The following GALNTL6 variants were observed in gnomAD, a reference collection of about 807,000 sequenced individuals.
GALNTL6 encodes polypeptide N-acetylgalactosaminyltransferase-like 6.
Under a neutral mutation model 73.7 loss-of-function variants are expected in GALNTL6, and 46 were observed. That is an observed-to-expected ratio of 0.62 (90% CI 0.49 to 0.80). The LOEUF (loss-of-function observed/expected upper bound fraction) is 0.80. GALNTL6 is among the 30% of genes least tolerant of loss of function. The probability of loss-of-function intolerance (pLI) is 0.00; values close to 1 mark genes in which losing one functional copy is unlikely to be tolerated. For synonymous variants in GALNTL6, 259 were observed against 263.7 expected (o/e 0.98, Z 0.17); for missense variants, 604 against 755.0 (o/e 0.80, Z 2.34).
chr4:172,560,912 A>G lies in GALNTL6; in HGVS notation c.553+212223A>G, dbSNP rs539414026. Among the ~76,000 whole-genome samples the G allele has an allele frequency of 1.9e-3, 289 of 152,314 alleles. 4 individuals are homozygous for G. The South Asian group carries it at 0.022, about 12-fold the overall frequency. On this transcript the variant is annotated intron_variant, in intron 5 of 12. Coordinates refer to ENST00000506823, the MANE Select transcript of GALNTL6 (RefSeq NM_001034845.3). ...TTTAATCTTTTGTGACATAGATACTATTATTAACATAATTTCACAGATAAG... is the reference window on the plus strand; with the variant it reads ...TTTAATCTTTTGTGACATAGATACTGTTATTAACATAATTTCACAGATAAG...
At chr4:172,767,260 A>G (rs897866261) in intron 5 of GALNTL6, among the ~76,000 whole-genome samples, 2 of 152,226 alleles carry the variant, frequency 1.3e-5, no homozygotes, top group East Asian at 1.9e-4. Context: ...AAAACTCAAT[A>G]TAACCTGATA....
chr4:172,533,464 A>G lies in GALNTL6; in HGVS notation c.553+184775A>G, dbSNP rs569110755. Reference sequence around the variant, plus strand: ...CTCAGCCTCCTGAGTAGCTGGGACTACAGGTGAACGCCACCACGCCTGGCT... The same window carrying G: ...CTCAGCCTCCTGAGTAGCTGGGACTGCAGGTGAACGCCACCACGCCTGGCT... On this transcript the variant is annotated intron_variant, in intron 5 of 12. Transcript: ENST00000506823. Among the ~76,000 whole-genome samples the G allele has an allele frequency of 7.3e-5, 11 of 151,364 alleles. No individual in the cohort carries two copies. The East Asian group carries it at 2.1e-3, about 30-fold the overall frequency.
At chr4:171,895,635 A>G (rs374295396) in intron 2 of GALNTL6, among the ~76,000 whole-genome samples, 9 of 152,314 alleles carry the variant, frequency 5.9e-5, no homozygotes, top group African/African-American at 2.2e-4. Flanking sequence ...CATGACGTCT[A>G]TGATAAAATG....
chr4:172,882,954 A>G (rs373600593), intron 8 of GALNTL6, 47 bp downstream of exon 8: 26 of 991,190 alleles, frequency 2.6e-5, no homozygotes, highest in Non-Finnish European at 4.1e-5. Flanking sequence ...AATTTTGACA[A>G]TTCTGATAGA....
intron 2 of GALNTL6, among the ~76,000 whole-genome samples, chr4:172,094,860 A>G (rs1018754858): frequency 1.8e-4 from 27 of 152,044 alleles, no homozygotes; most frequent in Non-Finnish European, 3.2e-4. Flanking sequence ...TATAGATATT[A>G]TTAATTCTGC....
At chr4:172,044,039 G>A (rs1742155281) in intron 2 of GALNTL6, among the ~76,000 whole-genome samples, 1 of 151,914 alleles carries the variant, frequency 6.6e-6, no homozygotes, top group South Asian at 2.1e-4. Flanking sequence ...GATGAAAGTT[G>A]AGCTTCCCAC....
At chr4:172,093,364 T>A (rs1732260520) in intron 2 of GALNTL6, among the ~76,000 whole-genome samples, 1 of 152,224 alleles carries the variant, frequency 6.6e-6, no homozygotes, top group African/African-American at 2.4e-5. Flanking sequence ...AACTTTTAGA[T>A]ACTCTTTAAC....
At chr4:172,474,958 G>A (rs1733181099) in intron 5 of GALNTL6, among the ~76,000 whole-genome samples, 1 of 152,140 alleles carries the variant, frequency 6.6e-6, no homozygotes, top group South Asian at 2.1e-4. Context: ...TGAAAAAATG[G>A]TGCTAAAAGT....
chr4:172,684,990 C>A (rs1252826953), intron 5 of GALNTL6, among the ~76,000 whole-genome samples: 1 of 152,072 alleles, frequency 6.6e-6, no homozygotes, highest in Non-Finnish European at 1.5e-5. Context: ...ACTCATGACA[C>A]TTTTTAGTAT....
intron 5 of GALNTL6, among the ~76,000 whole-genome samples, chr4:172,556,476 C>T (rs1736145789): frequency 6.6e-6 from 1 of 152,016 alleles, no homozygotes; most frequent in African/African-American, 2.4e-5. Flanking sequence ...AGTTAAATAT[C>T]AATTTTGAGT....
At chr4:172,247,022 C>G (rs1222491802) in intron 3 of GALNTL6, among the ~76,000 whole-genome samples, 1 of 151,986 alleles carries the variant, frequency 6.6e-6, no homozygotes, top group Admixed American at 6.6e-5. Flanking sequence ...TTCCCTGTGC[C>G]TCACCCATCT....
rs368533786 is a variant in GALNTL6 at position 172,646,726 on chromosome 4, T to G, written c.554-162635T>G. ...TATCAGAACAACTATTCTTTTGGAA[T>G]AGAAAGAAATTCTTAAAATCGTTCT... On this transcript the variant is annotated intron_variant, in intron 5 of 12. Transcript: ENST00000506823. Among the ~76,000 whole-genome samples the G allele has an allele frequency of 8.5e-5, 13 of 152,164 alleles. No homozygotes were observed. In the South Asian group the frequency reaches 2.3e-3, roughly 27 times the overall value.
At chr4:172,014,462 T>C (rs1381470556) in intron 2 of GALNTL6, among the ~76,000 whole-genome samples, 1 of 152,076 alleles carries the variant, frequency 6.6e-6, no homozygotes, top group East Asian at 1.9e-4. Flanking sequence ...TTGCATTTCT[T>C]TGATTATCAA....
intron 5 of GALNTL6, among the ~76,000 whole-genome samples, chr4:172,723,457 AG>A (rs760994772): frequency 1.3e-5 from 2 of 152,308 alleles, no homozygotes; most frequent in East Asian, 1.9e-4. Context: ...ATGGGATCTA[AG>A]ATCTTGTGGA....
intron 8 of GALNTL6, among the ~76,000 whole-genome samples, chr4:172,915,512 AAGAAGAAAAGAG>A (rs1237608321): frequency 1.3e-5 from 2 of 152,242 alleles, no homozygotes; most frequent in East Asian, 1.9e-4. Flanking sequence ...AAGACTAATA[AAGAAGAAAAGAG>A]AGAAGAATCA....
At chr4:172,542,652 G>A (rs1306804512) in intron 5 of GALNTL6, among the ~76,000 whole-genome samples, 1 of 152,108 alleles carries the variant, frequency 6.6e-6, no homozygotes, top group East Asian at 1.9e-4. Context: ...AGACCTCCCT[G>A]CCTATCATGG....
chr4:172,571,366 C>G (rs531678262), intron 5 of GALNTL6, among the ~76,000 whole-genome samples: 21 of 152,150 alleles, frequency 1.4e-4, no homozygotes, highest in Non-Finnish European at 2.9e-4. Context: ...ATAGAAACAT[C>G]TCATAGGAAG....
intron 10 of GALNTL6, among the ~76,000 whole-genome samples, chr4:173,000,574 C>T (rs773015665): frequency 3.9e-5 from 6 of 152,082 alleles, no homozygotes; most frequent in Admixed American, 2.0e-4. Context: ...TATATGGAAT[C>T]TCAAAGGAAC....
At chr4:172,942,643 A>G (rs539739868) in intron 9 of GALNTL6, among the ~76,000 whole-genome samples, 1 of 152,272 alleles carries the variant, frequency 6.6e-6, no homozygotes, top group South Asian at 2.1e-4. Context: ...TGTCAGAAGC[A>G]TACCCATGCT....
Sources: gnomAD v4.1 joint callset for allele counts (sites outside exome capture counted in the v4.1 genomes callset) on GRCh38, gnomAD v4.1.1 for gene constraint, MANE v1.5 for transcripts, NCBI Gene and HGNC (gene_info 2026-07-23, HGNC 2026-07-21) for gene names.